The following CSMD1 variants were observed in gnomAD, a reference collection of about 807,000 sequenced individuals.
The protein encoded by CSMD1 is CUB and Sushi multiple domains 1.
CSMD1 carries 213 observed loss-of-function variants against 417.5 expected under a neutral mutation model. That is an observed-to-expected ratio of 0.51 (90% CI 0.46 to 0.57). The LOEUF (loss-of-function observed/expected upper bound fraction) is 0.57, where lower values mean the gene tolerates loss of function less well. Among genes scored for constraint, CSMD1 ranks in the 20% least tolerant of loss-of-function variants. The pLI is 0.00. For missense variants in CSMD1, 6,923 were observed against 4,529.7 expected, an observed-to-expected ratio of 1.53 and a Z score of -15.17; for synonymous variants, 2,862 against 1,736.8, an observed-to-expected ratio of 1.65 and a Z score of -16.11.
At chr8:3,292,763 G>C (rs1024506817) in intron 25 of CSMD1, among the ~76,000 whole-genome samples, 1 of 152,084 alleles carries the variant, frequency 6.6e-6, no homozygotes, top group Non-Finnish European at 1.5e-5. Context: ...ACACTGATGG[G>C]TCTTGACTTT....
At chr8:4,736,766 T>C (rs1284789660) in intron 1 of CSMD1, among the ~76,000 whole-genome samples, 2 of 152,208 alleles carry the variant, frequency 1.3e-5, no homozygotes, top group African/African-American at 2.4e-5. Context: ...GTTTCATGTT[T>C]GTGTCCCCAC....
At chr8:2,947,027 C>T (rs985728867) in intron 68 of CSMD1, among the ~76,000 whole-genome samples, 2 of 152,148 alleles carry the variant, frequency 1.3e-5, no homozygotes, top group Admixed American at 1.3e-4. Context: ...TCTTTAGAGA[C>T]ATATCTATTC....
intron 46 of CSMD1, among the ~76,000 whole-genome samples, chr8:3,100,956 G>A (rs1815691319): frequency 6.6e-6 from 1 of 152,000 alleles, no homozygotes; most frequent in Admixed American, 6.5e-5. Context: ...AGCTGGAGCT[G>A]GGCAGCGGCG....
At chr8:3,808,402 G>T (rs1800868495) in intron 5 of CSMD1, among the ~76,000 whole-genome samples, 2 of 152,190 alleles carry the variant, frequency 1.3e-5, no homozygotes, top group South Asian at 2.1e-4. Flanking sequence ...GTGGTAAAAA[G>T]TAAGTTTTAC....
At chr8:3,198,074 T>G (rs915833316) in intron 33 of CSMD1, among the ~76,000 whole-genome samples, 1 of 152,228 alleles carries the variant, frequency 6.6e-6, no homozygotes, top group Non-Finnish European at 1.5e-5. Flanking sequence ...GTTCTTTTCT[T>G]TCTACTTTTC....
chr8:4,100,855 C>G (rs1801268182), intron 3 of CSMD1, among the ~76,000 whole-genome samples: 1 of 152,106 alleles, frequency 6.6e-6, no homozygotes, highest in Admixed American at 6.5e-5. Flanking sequence ...GCCTCAGAGA[C>G]TTAAAAATAT....
At chr8:3,700,356 G>A (rs532241995) in intron 7 of CSMD1, 2 of 152,070 alleles carry the variant, frequency 1.3e-5, no homozygotes, top group East Asian at 1.9e-4. Context: ...AAATGAACAG[G>A]GTTACTTTAT....
At chr8:4,253,246 C>G (rs368630300) in intron 3 of CSMD1, among the ~76,000 whole-genome samples, 1 of 152,156 alleles carries the variant, frequency 6.6e-6, no homozygotes, top group Non-Finnish European at 1.5e-5. Flanking sequence ...AAAATGACAT[C>G]TCCAAAAAGC....
At chr8:3,911,928 T>G (rs901684773) in intron 5 of CSMD1, among the ~76,000 whole-genome samples, 2 of 152,214 alleles carry the variant, frequency 1.3e-5, no homozygotes, top group South Asian at 4.1e-4. Context: ...TTCTCCTCTA[T>G]GTGTTTTCCC....
At chr8:4,422,879 A>C (rs1240501397) in intron 2 of CSMD1, among the ~76,000 whole-genome samples, 1 of 152,070 alleles carries the variant, frequency 6.6e-6, no homozygotes, top group East Asian at 1.9e-4. Context: ...CAATCTTTGA[A>C]AATTAATCCA....
chr8:3,104,749 C>T (rs71502913), intron 46 of CSMD1, among the ~76,000 whole-genome samples: 23,310 of 148,912 alleles, frequency 0.16, 2,012 homozygotes, highest in Non-Finnish European at 0.18. Context: ...GCTGTGTCTC[C>T]CAGGCTGGAG....
intron 2 of CSMD1, among the ~76,000 whole-genome samples, chr8:4,437,656 T>G (rs1175324454): frequency 6.6e-6 from 1 of 152,122 alleles, no homozygotes; most frequent in African/African-American, 2.4e-5. Flanking sequence ...CACAAAGGAG[T>G]TCGTAGAGTT....
chr8:3,997,955 C>T lies in CSMD1; in HGVS notation c.766G>A (p.Glu256Lys). ...ATCTCTAAGAAATCATATCCTTCTTCTAGCTGAAAGTCAGTGAAGACCAGC... is the reference window on the plus strand; with the variant it reads ...ATCTCTAAGAAATCATATCCTTCTTTTAGCTGAAAGTCAGTGAAGACCAGC... ...IALVFTDFQL[E>K]EGYDFLEISG... is the part of the protein sequence containing the mutation. Residue 256 changes from glutamate (E) to lysine (K), a missense_variant, in exon 5 of 70, where the codon GAA (glutamate) becomes AAA (lysine). Transcript: ENST00000635120. 1.2e-6 allele frequency: 2 copies of T among 1,612,234 alleles called. No individual in the cohort carries two copies. The highest frequency in any genetic ancestry group is 1.7e-6 in the Non-Finnish European group (2 of 1,179,126).
At position 3,300,204 on chromosome 8, in the gene CSMD1, C is replaced by T. The variant is rs150548344; in HGVS notation, c.3950+7491G>A. 6.9e-3 allele frequency among the ~76,000 whole-genome samples: 1,042 copies of T among 152,010 alleles called. 2 individuals are homozygous for T. The highest frequency in any genetic ancestry group is 0.01 in the Non-Finnish European group (701 of 67,976). On this transcript the variant is annotated intron_variant, in intron 25 of 69. Coordinates refer to ENST00000635120, the MANE Select transcript of CSMD1 (RefSeq NM_033225.6). ...TGTTTATTAACTCAAAATAAATGTT[C>T]AGAATAACATGGCGTAAAAAATAAT...
chr8:3,217,477 T>C (rs1488301841), intron 29 of CSMD1, among the ~76,000 whole-genome samples: 2 of 152,234 alleles, frequency 1.3e-5, no homozygotes, highest in Non-Finnish European at 2.9e-5. Context: ...CAATGATCAG[T>C]GTACATTCTC....
chr8:3,312,805 C>CAGTTAGTT (rs71530618), intron 23 of CSMD1, among the ~76,000 whole-genome samples: 2 of 151,530 alleles, frequency 1.3e-5, no homozygotes, highest in Non-Finnish European at 2.9e-5. Flanking sequence ...TTCTCAAAGG[C>CAGTTAGTT]AGTTAGACTT....
intron 7 of CSMD1, among the ~76,000 whole-genome samples, chr8:3,628,706 G>A (rs1474733022): frequency 1.3e-5 from 2 of 151,994 alleles, no homozygotes; most frequent in African/African-American, 2.4e-5. Context: ...AAGAAGTGTA[G>A]GCACCCTGCA....
At chr8:4,340,038 A>C (rs576489183) in intron 3 of CSMD1, among the ~76,000 whole-genome samples, 3 of 152,028 alleles carry the variant, frequency 2.0e-5, no homozygotes, top group Non-Finnish European at 4.4e-5. Context: ...AATTATGTTG[A>C]GCAGCATACC....
At chr8:3,887,477 A>G (rs1057095934) in intron 5 of CSMD1, among the ~76,000 whole-genome samples, 1 of 152,222 alleles carries the variant, frequency 6.6e-6, no homozygotes, top group African/African-American at 2.4e-5. Context: ...CTAGGCGTCC[A>G]GTTCTCACCT....
Sources: allele counts gnomAD v4.1 joint callset (sites outside exome capture counted in the v4.1 genomes callset), GRCh38; gene constraint gnomAD v4.1.1; transcripts MANE v1.5; gene names NCBI Gene and HGNC (gene_info 2026-07-23, HGNC 2026-07-21).